The following SCFD2 variants were observed in gnomAD, a reference collection of about 807,000 sequenced individuals.
SCFD2 encodes the protein sec1 family domain containing 2.
In SCFD2, 54 loss-of-function variants were observed where a neutral mutation model predicts 58.9. The observed-to-expected ratio is 0.92, with a 90% CI of 0.74 to 1.15. SCFD2 has a LOEUF of 1.15. SCFD2 is among the 50% of genes most tolerant of loss of function. SCFD2 has a pLI of 0.00. For missense variants in SCFD2, 805 were observed against 836.6 expected, an observed-to-expected ratio of 0.96 and a Z score of 0.47; for synonymous variants, 321 against 335.9, an observed-to-expected ratio of 0.96 and a Z score of 0.49.
intron 5 of SCFD2, among the ~76,000 whole-genome samples, chr4:53,064,505 C>G (rs1341338546): frequency 6.6e-6 from 1 of 152,110 alleles, no homozygotes; most frequent in South Asian, 2.1e-4. Flanking sequence ...ATTTTCAAAA[C>G]TACAGGCAGC....
At chr4:53,124,846 G>A (rs1725579379) in intron 5 of SCFD2, among the ~76,000 whole-genome samples, 1 of 152,126 alleles carries the variant, frequency 6.6e-6, no homozygotes, top group Non-Finnish European at 1.5e-5. Context: ...AAATGCAAAG[G>A]TGGAGAACAC....
intron 5 of SCFD2, among the ~76,000 whole-genome samples, chr4:53,052,862 G>A (rs1218350209): frequency 1.3e-5 from 2 of 152,182 alleles, no homozygotes; most frequent in Non-Finnish European, 2.9e-5. Flanking sequence ...CAGACAAAAT[G>A]TGGAATGAAA....
chr4:53,230,010 AC>A (rs1300465461), intron 4 of SCFD2, among the ~76,000 whole-genome samples: 2 of 152,260 alleles, frequency 1.3e-5, no homozygotes, highest in Non-Finnish European at 2.9e-5. Context: ...AGCCAAAAAA[AC>A]ACATGAAAAA....
chr4:52,926,247 A>G (rs1381373313), intron 5 of SCFD2, among the ~76,000 whole-genome samples: 1 of 151,990 alleles, frequency 6.6e-6, no homozygotes, highest in Non-Finnish European at 1.5e-5. Flanking sequence ...CCACCTTTTC[A>G]TAAGAACCTG....
chr4:53,170,338 T>C (rs1227418298), intron 4 of SCFD2, among the ~76,000 whole-genome samples: 1 of 152,210 alleles, frequency 6.6e-6, no homozygotes, highest in African/African-American at 2.4e-5. Context: ...AAATCAATTT[T>C]CTGAAAATGC....
chr4:53,348,503 A>G (rs746162096), intron 2 of SCFD2, among the ~76,000 whole-genome samples: 1 of 152,232 alleles, frequency 6.6e-6, no homozygotes, highest in Admixed American at 6.5e-5. Context: ...ATTAATCAAC[A>G]TAATTCCCTC....
chr4:53,335,194 C>CAAAAAAAAAAAAAAAAAAAAAAA (rs56344451), intron 2 of SCFD2, among the ~76,000 whole-genome samples: 20 of 80,576 alleles, frequency 2.5e-4, no homozygotes, highest in East Asian at 4.0e-4. Context: ...GACTCCGTCT[C>CAAAAAAAAAAAAAAAAAAAAAAA]AAAAAAAAAA....
At chr4:53,160,190 C>G (rs533968570) in intron 4 of SCFD2, among the ~76,000 whole-genome samples, 2 of 152,252 alleles carry the variant, frequency 1.3e-5, no homozygotes, top group South Asian at 4.1e-4. Flanking sequence ...TGTAGCCGGC[C>G]CATTGTTAGA....
chr4:53,301,260 A>G (rs1732279403), intron 3 of SCFD2, among the ~76,000 whole-genome samples: 1 of 152,234 alleles, frequency 6.6e-6, no homozygotes, highest in Admixed American at 6.5e-5. Flanking sequence ...AAAAATGACA[A>G]AGGGGATATC....
At chr4:53,250,244 G>C (rs542954403) in intron 4 of SCFD2, among the ~76,000 whole-genome samples, 58 of 152,150 alleles carry the variant, frequency 3.8e-4, no homozygotes, top group Non-Finnish European at 6.3e-4. Flanking sequence ...GCAACAAGAA[G>C]AACTAACTAT....
At chr4:53,089,106 C>G (rs1162776500) in intron 5 of SCFD2, among the ~76,000 whole-genome samples, 2 of 152,132 alleles carry the variant, frequency 1.3e-5, no homozygotes, top group African/African-American at 2.4e-5. Flanking sequence ...TATAGGAATT[C>G]CCAGTCTCCA....
chr4:53,309,643 G>A (rs1207359482), intron 3 of SCFD2, among the ~76,000 whole-genome samples: 1 of 152,120 alleles, frequency 6.6e-6, no homozygotes, highest in Admixed American at 6.5e-5. Flanking sequence ...AAAAAAGACA[G>A]GGTTATCAGA....
intron 5 of SCFD2, among the ~76,000 whole-genome samples, chr4:52,961,106 T>G (rs186128721): frequency 2.0e-5 from 3 of 152,308 alleles, no homozygotes; most frequent in Admixed American, 6.5e-5. Flanking sequence ...ATATTGATTT[T>G]CTTTACCCTT....
At chr4:52,943,078 C>T (rs1720333692) in intron 5 of SCFD2, among the ~76,000 whole-genome samples, 1 of 152,044 alleles carries the variant, frequency 6.6e-6, no homozygotes, top group South Asian at 2.1e-4. Context: ...GGGAGTAGCC[C>T]AGTGATTCAA....
intron 4 of SCFD2, among the ~76,000 whole-genome samples, chr4:53,270,667 G>C (rs535410647): frequency 1.3e-5 from 2 of 152,266 alleles, no homozygotes; most frequent in Admixed American, 1.3e-4. Context: ...CAAGGTGTTG[G>C]ATCCATGATC....
At chr4:53,049,297 C>A (rs1262314824) in intron 5 of SCFD2, among the ~76,000 whole-genome samples, 1 of 152,182 alleles carries the variant, frequency 6.6e-6, no homozygotes, top group Non-Finnish European at 1.5e-5. Flanking sequence ...ACACTCATAA[C>A]CTTAATGCAA....
intron 5 of SCFD2, among the ~76,000 whole-genome samples, chr4:53,116,860 T>C (rs537978888): frequency 1.3e-5 from 2 of 152,264 alleles, no homozygotes; most frequent in South Asian, 2.1e-4. Context: ...TGTTAACATA[T>C]CCTTTGGATG....
At chr4:53,035,338 A>T (rs115229199) in intron 5 of SCFD2, among the ~76,000 whole-genome samples, 3,991 of 152,322 alleles carry the variant, frequency 0.026, 80 homozygotes, top group African/African-American at 0.054. Flanking sequence ...GATGGATCAA[A>T]GACCTAAACA....
chr4:53,112,329 C>T (rs1282906068), intron 5 of SCFD2, among the ~76,000 whole-genome samples: 1 of 152,044 alleles, frequency 6.6e-6, no homozygotes, highest in Non-Finnish European at 1.5e-5. Context: ...AAGACTCTAG[C>T]CTTAATGCAT....
Sources: gnomAD v4.1 joint callset for allele counts (sites outside exome capture counted in the v4.1 genomes callset) on GRCh38, gnomAD v4.1.1 for gene constraint, MANE v1.5 for transcripts, NCBI Gene and HGNC (gene_info 2026-07-23, HGNC 2026-07-21) for gene names.